Variants in GLP2R observed in about 807,000 individuals in gnomAD.
GLP2R encodes the protein glucagon like peptide 2 receptor.
GLP2R carries 59 observed loss-of-function variants against 68.2 expected under a neutral mutation model. The observed-to-expected ratio is 0.87, with a 90% CI of 0.70 to 1.07. GLP2R has a LOEUF of 1.07. Among genes scored for constraint, GLP2R ranks in the 50% least tolerant of loss-of-function variants. The pLI is 0.00. For missense variants in GLP2R, 548 were observed against 677.4 expected, an observed-to-expected ratio of 0.81 and a Z score of 2.12; for synonymous variants, 270 against 265.4, an observed-to-expected ratio of 1.02 and a Z score of -0.17.
In GLP2R at chr17:9,860,091, G is replaced by A. The variant is rs2066974235; in HGVS notation, c.915G>A (p.Leu305=). 3.1e-6 allele frequency: 5 copies of A among 1,604,758 alleles called. No individual in the cohort carries two copies. The highest frequency in any genetic ancestry group is 1.7e-5 in the Admixed American group (1 of 58,394). ...PERRLWPRYL[L]LGWAFPVLFV... ...GGCGGCTGTGGCCCAGATACCTGCTGTTGGGTTGGGGTGAGTGACCTGACC... is the reference window on the plus strand; with the variant it reads ...GGCGGCTGTGGCCCAGATACCTGCTATTGGGTTGGGGTGAGTGACCTGACC... The change falls in exon 7 of 13, where the codon CTG becomes CTA. Residue 305 remains leucine, a synonymous_variant. Transcript: ENST00000262441.
chr17:9,840,960 G>T (rs1186859461), intron 3 of GLP2R, among the ~76,000 whole-genome samples: 2 of 151,762 alleles, frequency 1.3e-5, no homozygotes, highest in African/African-American at 4.8e-5. Flanking sequence ...AAGGCCAGAA[G>T]ACTTTTTCTC....
At chr17:9,844,678 T>C (rs1344977818) in intron 4 of GLP2R, among the ~76,000 whole-genome samples, 3 of 38,994 alleles carry the variant, frequency 7.7e-5, no homozygotes, top group Admixed American at 3.2e-4. Flanking sequence ...CTTTTTTTTT[T>C]TTTTTTTTTT....
intron 1 of GLP2R, among the ~76,000 whole-genome samples, chr17:9,830,898 A>T (rs2066673963): frequency 1.3e-5 from 2 of 152,258 alleles, no homozygotes; most frequent in Admixed American, 1.3e-4. Context: ...CTAAAGCTTG[A>T]GAAGTTGTGC....
At chr17:9,855,979 G>A (rs975947297) in intron 5 of GLP2R, among the ~76,000 whole-genome samples, 105 of 152,326 alleles carry the variant, frequency 6.9e-4, no homozygotes, top group African/African-American at 2.4e-3. Flanking sequence ...GGCAGAATGA[G>A]CATTTGACAT....
At chr17:9,867,746 CAAATT>C (rs1176227530) in intron 9 of GLP2R, among the ~76,000 whole-genome samples, 8 of 152,138 alleles carry the variant, frequency 5.3e-5, no homozygotes, top group Non-Finnish European at 1.0e-4. Flanking sequence ...TTTGAGCTAA[CAAATT>C]GAATGAACCA....
chr17:9,848,867 T>TTGTGTGTGTGTG lies in GLP2R; in HGVS notation c.505-5611_505-5600dup, dbSNP rs144324194. 3.9e-3 allele frequency among the ~76,000 whole-genome samples: 542 copies of TTGTGTGTGTGTG among 139,400 alleles called. 5 individuals carry two copies. Among genetic ancestry groups the TTGTGTGTGTGTG allele is most frequent in the African/African-American group, 0.011 (411 of 38,216 alleles). The allele number at this position is 139,400 out of a possible 152,430, so 91.5% of individuals were successfully genotyped here. A position where few individuals can be genotyped will look rare whatever the true frequency, so the allele number is the denominator to read the frequency against. ...TGTTAAATGGCACTTTTAAAGGAGA[T>TTGTGTGTGTGTG]TGTGTGTGTGTGTGTGTGTGTGTGT... On this transcript the variant is annotated intron_variant, in intron 4 of 12. Transcript: ENST00000262441.
At chr17:9,830,595 A>G (rs1222824314) in intron 1 of GLP2R, among the ~76,000 whole-genome samples, 2 of 152,244 alleles carry the variant, frequency 1.3e-5, no homozygotes, top group African/African-American at 4.8e-5. Context: ...TAATTGCATG[A>G]TTCTCAAACT....
chr17:9,861,102 C>A (rs200994739), intron 7 of GLP2R, 37 bp from the exon 8 acceptor site: 2 of 1,576,110 alleles, frequency 1.3e-6, no homozygotes, highest in Non-Finnish European at 1.7e-6. Flanking sequence ...TTTGGCCAAC[C>A]AACTCCTAAC....
chr17:9,836,204 TC>T (rs1209690468), intron 2 of GLP2R, among the ~76,000 whole-genome samples, 166 bp from the exon 3 acceptor site: 2 of 152,224 alleles, frequency 1.3e-5, no homozygotes, highest in Non-Finnish European at 2.9e-5. Context: ...CCCAAATCAT[TC>T]CCCATCCTTG....
chr17:9,861,084 C>A, intron 7 of GLP2R, 55 bp from the exon 8 acceptor site: 1 of 1,274,006 alleles, frequency 7.8e-7, no homozygotes, highest in Non-Finnish European at 1.1e-6. Flanking sequence ...TGGTGGGAGG[C>A]AAGCAGGTTT....
intron 7 of GLP2R, 96 bp downstream of exon 7, chr17:9,860,197 G>T: frequency 8.2e-7 from 1 of 1,213,372 alleles, no homozygotes; most frequent in Non-Finnish European, 1.1e-6. Context: ...CTAACTGGAG[G>T]TTGCTTCTGG....
At chr17:9,877,210 C>A (rs1042452326) in intron 10 of GLP2R, among the ~76,000 whole-genome samples, 2 of 152,102 alleles carry the variant, frequency 1.3e-5, no homozygotes, top group African/African-American at 4.8e-5. Context: ...TAAATGATTG[C>A]AATAAATGGA....
intron 9 of GLP2R, among the ~76,000 whole-genome samples, chr17:9,864,519 GTT>G (rs938131956): frequency 6.0e-5 from 9 of 151,082 alleles, no homozygotes; most frequent in African/African-American, 1.5e-4. Context: ...TGTTTGTTTT[GTT>G]TTTTGTTTTT....
chr17:9,858,950 A>T (rs962449111), intron 6 of GLP2R, among the ~76,000 whole-genome samples: 3 of 151,964 alleles, frequency 2.0e-5, no homozygotes, highest in African/African-American at 7.2e-5. Flanking sequence ...TCTTTATCTC[A>T]TGTTCTCTAT....
intron 7 of GLP2R, among the ~76,000 whole-genome samples, chr17:9,860,355 C>T (rs1295823483): frequency 6.6e-6 from 1 of 152,176 alleles, no homozygotes; most frequent in Admixed American, 6.5e-5. Flanking sequence ...TGATGATATT[C>T]CTCCTACCCT....
chr17:9,871,475 G>A (rs1437408969), intron 10 of GLP2R, among the ~76,000 whole-genome samples: 1 of 152,120 alleles, frequency 6.6e-6, no homozygotes, highest in Admixed American at 6.6e-5. Flanking sequence ...GTGTTTTTGA[G>A]ACCTTGAGAA....
At chr17:9,846,863 G>A (rs2066843557) in intron 4 of GLP2R, among the ~76,000 whole-genome samples, 1 of 152,184 alleles carries the variant, frequency 6.6e-6, no homozygotes, top group South Asian at 2.1e-4. Context: ...AGACAAACTG[G>A]TCCAAGAAAG....
At chr17:9,854,684 A>G (rs1278734911) in intron 5 of GLP2R, 83 bp downstream of exon 5, 18 of 829,930 alleles carry the variant, frequency 2.2e-5, no homozygotes, top group Admixed American at 1.4e-4. Flanking sequence ...TAAGAGTTCC[A>G]GTAGATGCCT....
intron 11 of GLP2R, among the ~76,000 whole-genome samples, chr17:9,885,642 A>G (rs1220371306): frequency 6.6e-6 from 1 of 151,938 alleles, no homozygotes; most frequent in East Asian, 1.9e-4. Context: ...ACCTTCCTCC[A>G]TCTTACTTCC....
Sources: allele counts gnomAD v4.1 joint callset (sites outside exome capture counted in the v4.1 genomes callset), GRCh38; gene constraint gnomAD v4.1.1; transcripts MANE v1.5; gene names NCBI Gene and HGNC (gene_info 2026-07-23, HGNC 2026-07-21).